The following AGBL4 variants were observed in gnomAD, a reference collection of about 807,000 sequenced individuals.
AGBL4 encodes AGBL carboxypeptidase 4, also known as cytosolic carboxypeptidase 6.
In AGBL4, 58 loss-of-function variants were observed where a neutral mutation model predicts 66.4. That is an observed-to-expected ratio of 0.87 (90% confidence interval 0.71 to 1.09). AGBL4 has a LOEUF of 1.09. Ranked by LOEUF, AGBL4 falls within the 50% of genes least tolerant of loss-of-function variation. The pLI is 0.00. For synonymous variants in AGBL4, 234 were observed against 222.9 expected (o/e 1.05, Z -0.44); for missense variants, 579 against 631.0 (o/e 0.92, Z 0.88).
At chr1:49,169,883 C>T (rs1017385888) in intron 4 of AGBL4, among the ~76,000 whole-genome samples, 29 of 152,032 alleles carry the variant, frequency 1.9e-4, no homozygotes, top group African/African-American at 7.0e-4. Flanking sequence ...AACCATGCTG[C>T]CTCAAAATTG....
chr1:49,833,168 G>T (rs1201577494), intron 2 of AGBL4, among the ~76,000 whole-genome samples: 2 of 152,270 alleles, frequency 1.3e-5, no homozygotes, highest in African/African-American at 4.8e-5. Context: ...ATTAATTTTT[G>T]TATAAGGTGT....
At chr1:49,991,797 GACA>G (rs1659962541) in intron 1 of AGBL4, among the ~76,000 whole-genome samples, 1 of 151,920 alleles carries the variant, frequency 6.6e-6, no homozygotes, top group South Asian at 2.1e-4. Context: ...TCTCTGGAGA[GACA>G]ACATCATATA....
intron 3 of AGBL4, among the ~76,000 whole-genome samples, chr1:49,300,770 G>GA (rs1292189348): frequency 6.6e-6 from 1 of 152,076 alleles, no homozygotes; most frequent in African/African-American, 2.4e-5. Context: ...TTTGGCCATG[G>GA]AAAAAATAGC....
intron 3 of AGBL4, among the ~76,000 whole-genome samples, chr1:49,300,361 A>T (rs1263796573): frequency 6.6e-6 from 1 of 152,322 alleles, no homozygotes; most frequent in South Asian, 2.1e-4. Context: ...ATGGGAAATG[A>T]TAATTTCTTT....
At chr1:48,682,697 T>C (rs961828154) in intron 6 of AGBL4, among the ~76,000 whole-genome samples, 2 of 152,148 alleles carry the variant, frequency 1.3e-5, no homozygotes, top group African/African-American at 2.4e-5. Context: ...TCAGCCAACA[T>C]AGGGAAATCT....
At chr1:49,284,126 C>T (rs1181877541) in intron 3 of AGBL4, among the ~76,000 whole-genome samples, 2 of 152,064 alleles carry the variant, frequency 1.3e-5, no homozygotes, top group African/African-American at 4.8e-5. Flanking sequence ...AGAGAAAGGT[C>T]GGGTTACCCT....
At chr1:49,150,461 A>G (rs1646306277) in intron 4 of AGBL4, among the ~76,000 whole-genome samples, 1 of 152,220 alleles carries the variant, frequency 6.6e-6, no homozygotes, top group South Asian at 2.1e-4. Context: ...AAGACAAAGG[A>G]AATAGGATAC....
chr1:49,068,540 T>A (rs181942965), intron 4 of AGBL4, among the ~76,000 whole-genome samples: 26 of 152,276 alleles, frequency 1.7e-4, no homozygotes, highest in Non-Finnish European at 3.5e-4. Flanking sequence ...TTCATCCATG[T>A]CCCTACAAAG....
chr1:49,780,528 T>C (rs1486308932), intron 2 of AGBL4, among the ~76,000 whole-genome samples: 2 of 152,054 alleles, frequency 1.3e-5, no homozygotes, highest in Non-Finnish European at 2.9e-5. Flanking sequence ...AAAATAATAA[T>C]TACAAAAATG....
At chr1:49,884,048 T>C (rs1378635232) in intron 1 of AGBL4, among the ~76,000 whole-genome samples, 1 of 152,026 alleles carries the variant, frequency 6.6e-6, no homozygotes, top group Non-Finnish European at 1.5e-5. Context: ...TTTATATTTA[T>C]TGACTTCTGT....
chr1:49,906,730 T>G (rs1436547510), intron 1 of AGBL4, among the ~76,000 whole-genome samples: 7 of 152,066 alleles, frequency 4.6e-5, no homozygotes, highest in Non-Finnish European at 1.0e-4. Context: ...AAACTGCATA[T>G]GTAAGTAAAC....
At chr1:49,046,493 A>G (rs1644083914) in intron 4 of AGBL4, among the ~76,000 whole-genome samples, 1 of 152,310 alleles carries the variant, frequency 6.6e-6, no homozygotes, top group Non-Finnish European at 1.5e-5. Context: ...TGTGTGGGCA[A>G]TTTTGCTAAG....
chr1:48,594,068 G>A (rs955959589), intron 9 of AGBL4, among the ~76,000 whole-genome samples: 6 of 152,300 alleles, frequency 3.9e-5, no homozygotes, highest in African/African-American at 1.4e-4. Flanking sequence ...GCTCCCGCCT[G>A]TAATCCCAGC....
chr1:50,002,359 C>CTTTTTTTTT (rs372960346), intron 1 of AGBL4, among the ~76,000 whole-genome samples: 10 of 96,030 alleles, frequency 1.0e-4, no homozygotes, highest in African/African-American at 2.3e-4. Context: ...TGCCCTAGTT[C>CTTTTTTTTT]TTTTTTTTTT....
chr1:48,622,076 C>T (rs116131895), intron 9 of AGBL4, among the ~76,000 whole-genome samples: 30 of 152,296 alleles, frequency 2.0e-4, no homozygotes, highest in African/African-American at 7.2e-4. Context: ...TGAATCATCT[C>T]TGCCTGCCAC....
chr1:49,824,347 C>A (rs1406859972), intron 2 of AGBL4, among the ~76,000 whole-genome samples: 1 of 152,150 alleles, frequency 6.6e-6, no homozygotes, highest in African/African-American at 2.4e-5. Flanking sequence ...GTTATACAAG[C>A]AACCTCTGTC....
intron 5 of AGBL4, among the ~76,000 whole-genome samples, chr1:48,967,075 C>T (rs1658501245): frequency 6.6e-6 from 1 of 151,866 alleles, no homozygotes; most frequent in Non-Finnish European, 1.5e-5. Context: ...CACAAAGACA[C>T]ACACACACTA....
chr1:49,725,938 T>G (rs1380653879), intron 2 of AGBL4, among the ~76,000 whole-genome samples: 1 of 152,084 alleles, frequency 6.6e-6, no homozygotes, highest in Non-Finnish European at 1.5e-5. Flanking sequence ...AAAGATGATC[T>G]CTAAGTGAAA....
At chr1:49,553,171 G>C (rs1653107784) in intron 3 of AGBL4, among the ~76,000 whole-genome samples, 1 of 152,216 alleles carries the variant, frequency 6.6e-6, no homozygotes, top group South Asian at 2.1e-4. Context: ...AGGCAGGCCT[G>C]AGCCTGAGTG....
Sources: gnomAD v4.1 joint callset for allele counts (sites outside exome capture counted in the v4.1 genomes callset) on GRCh38, gnomAD v4.1.1 for gene constraint, MANE v1.5 for transcripts, NCBI Gene and HGNC (gene_info 2026-07-23, HGNC 2026-07-21) for gene names.